Variants in GGA2 observed in about 807,000 individuals in gnomAD.
GGA2 encodes golgi associated, gamma adaptin ear containing, ARF binding protein 2.
GGA2 carries 48 observed loss-of-function variants against 79.5 expected under a neutral mutation model. That is an observed-to-expected ratio of 0.60 (90% CI 0.48 to 0.77). GGA2 has a LOEUF of 0.77. GGA2 is among the 30% of genes least tolerant of loss of function. The pLI is 0.00. For synonymous variants in GGA2, 317 were observed against 302.0 expected (o/e 1.05, Z -0.51); for missense variants, 770 against 774.0 (o/e 0.99, Z 0.06).
At chr16:23,497,598 C>T (rs997580671) in intron 1 of GGA2, among the ~76,000 whole-genome samples, 1 of 152,136 alleles carries the variant, frequency 6.6e-6, no homozygotes, top group Non-Finnish European at 1.5e-5. Flanking sequence ...CTCCTCCCCA[C>T]CCCCGCAAAG....
chr16:23,522,474 T>C (rs908160468), upstream of GGA2: 1 of 152,352 alleles, frequency 6.6e-6, no homozygotes, highest in Non-Finnish European at 1.5e-5. Flanking sequence ...ACCTGTTTTT[T>C]TTTTGGCTTT....
At chr16:23,522,468 G>GT (rs79556186), upstream of GGA2, 3,169 of 147,486 alleles carry the variant, frequency 0.021, 101 homozygotes, top group African/African-American at 0.07. Context: ...TCCAAAACCT[G>GT]TTTTTTTTTT....
At chr16:23,496,253 A>AGAG (rs1964854033) in intron 1 of GGA2, among the ~76,000 whole-genome samples, 1 of 147,902 alleles carries the variant, frequency 6.8e-6, no homozygotes. Flanking sequence ...CAGTGAGCCA[A>AGAG]GATTGCGCCA....
At position 23,468,897 on chromosome 16, in the gene GGA2, T is replaced by C; in HGVS notation, c.1720A>G (p.Asn574Asp). The change falls in exon 16 of 17, where the codon AAT becomes GAT. Residue 574 changes from asparagine to aspartate, a missense_variant. Physicochemically the swap from Asn to Asp is conservative, Grantham distance 23. Coordinates refer to ENST00000309859, the MANE Select transcript of GGA2 (RefSeq NM_015044.4). ...ACACTGGAACATACTTTGTGTGGATTGTCAAGCAGCAGCATCTGAGATATC... is the reference window on the plus strand; with the variant it reads ...ACACTGGAACATACTTTGTGTGGATCGTCAAGCAGCAGCATCTGAGATATC... ...AVISQMLLLD[N>D]PHKEPIRLRY... The C allele has an allele frequency of 6.3e-7, 1 of 1,598,998 alleles. No individual in the cohort carries two copies. The highest frequency in any genetic ancestry group is 8.6e-7 in the Non-Finnish European group (1 of 1,166,272).
chr16:23,476,282 G>C (rs1232858971), intron 13 of GGA2, among the ~76,000 whole-genome samples: 1 of 152,360 alleles, frequency 6.6e-6, no homozygotes, highest in East Asian at 1.9e-4. Flanking sequence ...AAATGGGAAT[G>C]AACTCCCAGG....
At chr16:23,486,930 C>G in intron 6 of GGA2, 140 bp from the exon 7 acceptor site, 1 of 683,086 alleles carries the variant, frequency 1.5e-6, no homozygotes, top group South Asian at 1.6e-5. Flanking sequence ...TCCAAGGACA[C>G]TACGATGCAG....
At chr16:23,478,728 C>A in intron 12 of GGA2, 155 bp downstream of exon 12, 1 of 743,880 alleles carries the variant, frequency 1.3e-6, no homozygotes, top group Non-Finnish European at 2.4e-6. Context: ...ATCAGCCAGA[C>A]AGTATGGGTG....
intron 1 of GGA2, among the ~76,000 whole-genome samples, chr16:23,509,668 G>T (rs908739648): frequency 6.6e-6 from 1 of 150,732 alleles, no homozygotes; most frequent in East Asian, 2.0e-4. Flanking sequence ...ACATGCAGAA[G>T]AATTCTGGCC....
At chr16:23,513,291 G>A (rs1304047824), upstream of GGA2, among the ~76,000 whole-genome samples, 3 of 152,190 alleles carry the variant, frequency 2.0e-5, no homozygotes, top group East Asian at 3.9e-4. Flanking sequence ...AAAGACAGTG[G>A]AAACCCTCAG....
intron 12 of GGA2, 166 bp from the exon 13 acceptor site, chr16:23,478,667 T>C: frequency 1.3e-6 from 1 of 762,576 alleles, no homozygotes; most frequent in Non-Finnish European, 2.3e-6. Context: ...ATGCAGCTCC[T>C]GGGCAGACCT....
At chr16:23,523,750 G>A (rs1024552475), upstream of GGA2, 3 of 152,296 alleles carry the variant, frequency 2.0e-5, no homozygotes, top group African/African-American at 2.4e-5. Flanking sequence ...ATTTAAAGAG[G>A]TGATTAACTT....
At chr16:23,495,316 G>A (rs1964841359) in intron 2 of GGA2, 1 of 161,064 alleles carries the variant, frequency 6.2e-6, no homozygotes, top group Non-Finnish European at 1.4e-5. Context: ...CAGCATTAGT[G>A]TTTTATAACA....
intron 5 of GGA2, among the ~76,000 whole-genome samples, chr16:23,489,086 AAC>A (rs1282646383): frequency 6.6e-6 from 1 of 152,212 alleles, no homozygotes; most frequent in Non-Finnish European, 1.5e-5. Context: ...GACAGGGAAC[AAC>A]AGTCCATCCT....
chr16:23,476,771 A>G (rs1347869554), intron 13 of GGA2, among the ~76,000 whole-genome samples: 1 of 152,208 alleles, frequency 6.6e-6, no homozygotes. Context: ...ATGTTTCTCC[A>G]TGGATCAAAT....
rs1964474394 is a variant in GGA2 at position 23,468,869 on chromosome 16, C to G, written c.1731+17G>C. 4 of 1,512,464 alleles carry G rather than the reference C, an allele frequency of 2.6e-6. No individual in the cohort carries two copies. The highest frequency in any genetic ancestry group is 2.3e-5 in the East Asian group (1 of 44,276). 93.7% of individuals were successfully genotyped at this position (1,512,464 alleles called of 1,614,324 possible). ...AGGGGCCCCCATCTCCCTGCTACCA[C>G]AGACACTGGAACATACTTTGTGTGG... On this transcript the variant is annotated intron_variant, in intron 16 of 16. Transcript: ENST00000309859.
chr16:23,470,525 G>A (rs975616932), intron 14 of GGA2, among the ~76,000 whole-genome samples: 1 of 152,096 alleles, frequency 6.6e-6, no homozygotes, highest in Non-Finnish European at 1.5e-5. Context: ...CACTTTAGGA[G>A]GCCAAGGCGG....
intron 1 of GGA2, among the ~76,000 whole-genome samples, chr16:23,498,116 C>T (rs186848501): frequency 6.3e-4 from 96 of 152,100 alleles, no homozygotes; most frequent in African/African-American, 2.2e-3. Context: ...CCCGTCTCTA[C>T]CAAAATACAA....
Position 23,463,693 on chromosome 16 carries a change from G to GA in GGA2, c.*3896_*3897insT, listed in dbSNP as rs1964401151. On this transcript the variant is annotated 3_prime_UTR_variant, in exon 17 of 17. Transcript: ENST00000309859. ...TCGCTTGGCTTTAAAACAAACTGGG[G>GA]TCAGGACATGGTGGCTCATGCCTGT... The GA allele has an allele frequency of 2.0e-5, 3 of 152,326 alleles. No homozygotes were observed. In the South Asian group the frequency reaches 6.2e-4, roughly 32 times the overall value. The allele number at this position is 152,326 out of a possible 1,614,324, so 9.4% of individuals were successfully genotyped here.
chr16:23,519,803 G>C (rs1223980763), intron 1 of GGA2, among the ~76,000 whole-genome samples: 1 of 152,172 alleles, frequency 6.6e-6, no homozygotes, highest in Non-Finnish European at 1.5e-5. Context: ...AGATCTGTGA[G>C]AGTCCTAATT....
Sources: gnomAD v4.1 joint callset for allele counts (sites outside exome capture counted in the v4.1 genomes callset) on GRCh38, gnomAD v4.1.1 for gene constraint, MANE v1.5 for transcripts, NCBI Gene and HGNC (gene_info 2026-07-23, HGNC 2026-07-21) for gene names.